C3orf20: variants seen among roughly 807,000 people sequenced by gnomAD.
C3orf20 encodes the protein family with sequence similarity 149 member C.
Under a neutral mutation model 88.3 loss-of-function variants are expected in C3orf20, and 76 were observed. The ratio of observed to expected loss-of-function variants is 0.86; its 90% CI spans 0.72 to 1.04. The LOEUF is 1.04. Ranked by LOEUF, C3orf20 falls within the 50% of genes least tolerant of loss-of-function variation. The pLI is 0.00. For missense variants in C3orf20, 1,056 were observed against 1,123.3 expected (o/e 0.94, Z 0.86); for synonymous variants, 436 against 437.4 (o/e 1.00, Z 0.04).
rs145705970 is a variant in C3orf20 at position 14,701,224 on chromosome 3, G to A, written c.746-1906G>A. On this transcript the variant is annotated intron_variant, in intron 5 of 16. Transcript: ENST00000253697. This position sits in a 1 kb window ranked among gnomAD's most constrained non-coding sequence, Gnocchi z 4.6. The stretch of plus-strand genomic sequence containing the variant: ...AAGTGACCAGGAACCACTCAGGGTG[G>A]CAGATACCAGAGATGGTTCCCAAGC... 6.6e-6 allele frequency among the ~76,000 whole-genome samples: 1 copy of A among 152,240 alleles called. No individual in the cohort carries two copies. The highest frequency in any genetic ancestry group is 1.5e-5 in the Non-Finnish European group (1 of 68,002).
At chr3:14,759,117 T>C (rs2035480561) in intron 13 of C3orf20, among the ~76,000 whole-genome samples, 1 of 151,776 alleles carries the variant, frequency 6.6e-6, no homozygotes. Flanking sequence ...CATAAAGGAG[T>C]GGGCAGCAGG....
chr3:14,742,167 A>G (rs11918065), intron 12 of C3orf20, among the ~76,000 whole-genome samples: 2,350 of 152,320 alleles, frequency 0.015, 56 homozygotes, highest in African/African-American at 0.054. Context: ...AAAAACCGCA[A>G]TACTTTTGCA....
chr3:14,680,157 A>G (rs2032009764), intron 1 of C3orf20, among the ~76,000 whole-genome samples: 1 of 152,270 alleles, frequency 6.6e-6, no homozygotes, highest in Non-Finnish European at 1.5e-5. Context: ...CTAGGTATAC[A>G]TATGTGAGAG....
At chr3:14,743,484 G>A (rs1183232596) in intron 12 of C3orf20, among the ~76,000 whole-genome samples, 2 of 151,948 alleles carry the variant, frequency 1.3e-5, no homozygotes, top group Non-Finnish European at 2.9e-5. Context: ...GGTGCATGGA[G>A]CAAGCTGTCA....
chr3:14,757,393 A>G lies in C3orf20; in HGVS notation c.1963A>G (p.Ser655Gly). 1.9e-6 allele frequency: 3 copies of G among 1,611,584 alleles called. No homozygotes were observed. The highest frequency in any genetic ancestry group is 1.7e-6 in the Non-Finnish European group (2 of 1,179,696). The change falls in exon 13 of 17, where the codon AGC becomes GGC. Residue 655 changes from serine to glycine, a missense_variant. Transcript: ENST00000253697. ...CAGAGGGAAGGCCCGCGAGGGGCGCAGCCCCACCAGGTGGGCGGCCTTGCC... is the reference window on the plus strand; with the variant it reads ...CAGAGGGAAGGCCCGCGAGGGGCGCGGCCCCACCAGGTGGGCGGCCTTGCC... ...TSRGKAREGR[S>G]PTRWAALPSD...
chr3:14,756,849 G>A (rs1352972992), intron 12 of C3orf20, among the ~76,000 whole-genome samples: 1 of 152,226 alleles, frequency 6.6e-6, no homozygotes, highest in Non-Finnish European at 1.5e-5. Flanking sequence ...CCACCGGAGG[G>A]TTTTGAAGAG....
At chr3:14,734,772 C>A (rs2124999466) in intron 12 of C3orf20, among the ~76,000 whole-genome samples, 1 of 152,114 alleles carries the variant, frequency 6.6e-6, no homozygotes, top group East Asian at 1.9e-4. Flanking sequence ...TTATTTGTAT[C>A]ATTTACTGAT....
rs550411846 is a variant in C3orf20 at position 14,772,877 on chromosome 3, G to A, written c.*2G>A. 1.3e-5 allele frequency: 21 copies of A among 1,612,956 alleles called. No homozygotes were observed. Among genetic ancestry groups the A allele is most frequent in the South Asian group, 1.1e-4 (10 of 91,056 alleles). On this transcript the variant is annotated 3_prime_UTR_variant, in exon 17 of 17. Transcript: ENST00000253697. The surrounding 1 kb of genome is among the most constrained non-coding windows in gnomAD (Gnocchi z 4.2). ...AAGAAGCAGGCCTCCAAGAAGTAGC[G>A]CCATCCTGGCAGCAGCCAAGTGAGC...
intron 12 of C3orf20, among the ~76,000 whole-genome samples, chr3:14,732,279 T>C (rs1276223199): frequency 4.6e-5 from 7 of 152,234 alleles, no homozygotes; most frequent in Admixed American, 4.6e-4. Context: ...TATTTACCAT[T>C]CATATATTTT....
chr3:14,745,467 A>G (rs531823489), intron 12 of C3orf20, among the ~76,000 whole-genome samples: 1 of 152,364 alleles, frequency 6.6e-6, no homozygotes, highest in Non-Finnish European at 1.5e-5. Flanking sequence ...ACTTTTTCAC[A>G]ATATGTCATG....
chr3:14,747,206 G>A (rs74497288), intron 12 of C3orf20, among the ~76,000 whole-genome samples: 6,490 of 152,278 alleles, frequency 0.043, 454 homozygotes, highest in African/African-American at 0.15. Flanking sequence ...GATTACAGCC[G>A]TTACTCTGTT....
chr3:14,747,399 G>A (rs2035087283), intron 12 of C3orf20, among the ~76,000 whole-genome samples: 1 of 152,172 alleles, frequency 6.6e-6, no homozygotes, highest in South Asian at 2.1e-4. Flanking sequence ...CACCCATTAA[G>A]CGTAAACCTT....
intron 15 of C3orf20, 109 bp downstream of exon 15, chr3:14,761,724 G>A (rs2125038654): frequency 8.6e-7 from 1 of 1,161,354 alleles, no homozygotes; most frequent in South Asian, 1.3e-5. Flanking sequence ...GGGGCTGAAG[G>A]GATGGAGTGG....
intron 10 of C3orf20, among the ~76,000 whole-genome samples, chr3:14,723,578 C>T (rs545612039): frequency 6.6e-6 from 1 of 152,252 alleles, no homozygotes; most frequent in South Asian, 2.1e-4. Context: ...GCCAGAGGGT[C>T]ATGTGGAATC....
intron 4 of C3orf20, among the ~76,000 whole-genome samples, chr3:14,685,489 C>CGT (rs1216087893): frequency 0.014 from 1,778 of 126,562 alleles, 18 homozygotes; most frequent in African/African-American, 0.036. Flanking sequence ...TCTGTGCGTG[C>CGT]GTGCGTGTGT....
chr3:14,679,745 G>A (rs962457970), intron 1 of C3orf20, among the ~76,000 whole-genome samples: 1 of 152,210 alleles, frequency 6.6e-6, no homozygotes, highest in Non-Finnish European at 1.5e-5. Flanking sequence ...CTCAGGCCAG[G>A]ATGTAGTCAC....
At chr3:14,738,261 G>C (rs539267120) in intron 12 of C3orf20, among the ~76,000 whole-genome samples, 1 of 143,590 alleles carries the variant, frequency 7.0e-6, no homozygotes, top group African/African-American at 2.6e-5. Context: ...TCTGCCCCCC[G>C]GGTTCAAGCA....
At position 14,760,051 on chromosome 3, in the gene C3orf20, C is replaced by A. The variant is rs564428019; in HGVS notation, c.2352+53C>A. On this transcript the variant is annotated intron_variant, in intron 14 of 16. Transcript: ENST00000253697. ...TGCCTGCCACCCCAGCCGCAGCCACCTCTGCCCCTGCAGAATCACACATGT... is the reference window on the plus strand; with the variant it reads ...TGCCTGCCACCCCAGCCGCAGCCACATCTGCCCCTGCAGAATCACACATGT... 1.1e-3 allele frequency: 1,438 copies of A among 1,300,458 alleles called. 17 individuals are homozygous for A. In the African/African-American group the frequency reaches 0.017, roughly 15 times the overall value. The allele number at this position is 1,300,458 out of a possible 1,614,324, so 80.6% of individuals were successfully genotyped here. A position where few individuals can be genotyped will look rare whatever the true frequency, so the allele number is the denominator to read the frequency against.
intron 5 of C3orf20, among the ~76,000 whole-genome samples, chr3:14,693,485 T>G (rs1188446369): frequency 1.3e-5 from 2 of 152,186 alleles, no homozygotes; most frequent in Admixed American, 1.3e-4. Flanking sequence ...CTTAGTTTCT[T>G]GTTCAGACTG....
Sources: allele counts gnomAD v4.1 joint callset (sites outside exome capture counted in the v4.1 genomes callset), GRCh38; gene constraint gnomAD v4.1.1; non-coding constraint Gnocchi (gnomAD v3.1); transcripts MANE v1.5; gene names NCBI Gene and HGNC (gene_info 2026-07-23, HGNC 2026-07-21).